MINDY4B: variants seen among roughly 807,000 people sequenced by gnomAD.
MINDY4B encodes the protein inactive ubiquitin carboxyl-terminal hydrolase MINDY-4B.
A neutral mutation model predicts 16.7 loss-of-function variants in MINDY4B; 25 were observed. The ratio of observed to expected loss-of-function variants is 1.49; its 90% CI spans 1.09 to 2.09. The LOEUF (loss-of-function observed/expected upper bound fraction) is 2.09, where lower values mean the gene tolerates loss of function less well. Ranked by LOEUF, MINDY4B falls within the 30% of genes most tolerant of loss-of-function variation. The pLI is 0.00. For missense variants in MINDY4B, 327 were observed against 168.4 expected, an observed-to-expected ratio of 1.94 and a Z score of -5.21; for synonymous variants, 132 against 61.9, an observed-to-expected ratio of 2.13 and a Z score of -5.32.
intron 3 of MINDY4B, among the ~76,000 whole-genome samples, chr3:150,897,933 T>C (rs1712019968): frequency 6.6e-6 from 1 of 152,174 alleles, no homozygotes; most frequent in Non-Finnish European, 1.5e-5. Context: ...TTCCCTGACA[T>C]TGAGATTGCA....
chr3:150,890,692 ATT>A, intron 6 of MINDY4B: 1 of 507,686 alleles, frequency 2.0e-6, no homozygotes, highest in Non-Finnish European at 3.5e-6. Context: ...TGGAAATATC[ATT>A]TATGATTATT....
At chr3:150,894,587 A>T (rs771046446) in intron 3 of MINDY4B, among the ~76,000 whole-genome samples, 1 of 152,174 alleles carries the variant, frequency 6.6e-6, no homozygotes, top group Non-Finnish European at 1.5e-5. Flanking sequence ...CATGACTTGT[A>T]ACCCCTGCCT....
chr3:150,884,196 C>G (rs377648593), intron 8 of MINDY4B, among the ~76,000 whole-genome samples: 1 of 152,188 alleles, frequency 6.6e-6, no homozygotes, highest in African/African-American at 2.4e-5. Context: ...CTTGGCTGAG[C>G]CCGTTTCTTG....
intron 3 of MINDY4B, among the ~76,000 whole-genome samples, chr3:150,896,060 A>G (rs1287224312): frequency 6.6e-6 from 1 of 151,912 alleles, no homozygotes; most frequent in Admixed American, 6.5e-5. Context: ...GGCTTTGTTC[A>G]TATTTTCGGA....
chr3:150,882,060 C>T (rs1481223428), intron 10 of MINDY4B, among the ~76,000 whole-genome samples: 2 of 152,124 alleles, frequency 1.3e-5, no homozygotes, highest in African/African-American at 4.8e-5. Context: ...GGTTGGGAGG[C>T]TTGTGGGGGT....
chr3:150,886,251 C>T (rs1004665099), intron 7 of MINDY4B, among the ~76,000 whole-genome samples: 3 of 152,172 alleles, frequency 2.0e-5, no homozygotes, highest in African/African-American at 7.2e-5. Context: ...CCCTGGCTGG[C>T]TTTCTAGGTG....
intron 10 of MINDY4B, among the ~76,000 whole-genome samples, chr3:150,878,531 A>G (rs1711500401): frequency 6.6e-6 from 1 of 152,258 alleles, no homozygotes; most frequent in African/African-American, 2.4e-5. Context: ...CACTGAGGGC[A>G]GAATTCATAG....
chr3:150,902,293 C>G (rs989630598), intron 3 of MINDY4B, among the ~76,000 whole-genome samples: 1 of 152,174 alleles, frequency 6.6e-6, no homozygotes, highest in African/African-American at 2.4e-5. Context: ...GGAAGAAGGT[C>G]CCTCTTCCAA....
rs558245110 is a variant in MINDY4B, at chr3:150,871,561, A to G, written c.1241-374T>C. 2.6e-5 allele frequency among the ~76,000 whole-genome samples: 4 copies of G among 152,126 alleles called. No individual in the cohort carries two copies. In the South Asian group the frequency reaches 8.3e-4, roughly 32 times the overall value. Reference sequence around the variant, plus strand: ...ACTAAATATTGTCAGGAAAAAAAAAAAAAGAGGCCAGGCATGGTGGCTCAC... The same window carrying G: ...ACTAAATATTGTCAGGAAAAAAAAAGAAAGAGGCCAGGCATGGTGGCTCAC... On this transcript the variant is annotated intron_variant, in intron 11 of 11. Transcript: ENST00000465419.
chr3:150,870,966 G>A lies in MINDY4B; in HGVS notation c.*79C>T, dbSNP rs911342633. 2.4e-5 allele frequency: 15 copies of A among 624,900 alleles called. No homozygotes were observed. The highest frequency in any genetic ancestry group is 3.3e-4 in the Middle Eastern group (1 of 3,074). 38.7% of individuals were successfully genotyped at this position (624,900 alleles called of 1,614,324 possible). A position where few individuals can be genotyped will look rare whatever the true frequency, so the allele number is the denominator to read the frequency against. ...GCTTGTGAATGAGAAATATGGAAAC[G>A]ATTGGTCTCCCCCACATTAGGCTTT... On this transcript the variant is annotated 3_prime_UTR_variant, in exon 12 of 12. Coordinates refer to ENST00000465419, the MANE Select transcript of MINDY4B (RefSeq NM_001351281.2).
chr3:150,890,425 T>C (rs965339597), intron 6 of MINDY4B, 40 bp from the exon 7 acceptor site: 23 of 584,454 alleles, frequency 3.9e-5, no homozygotes, highest in Non-Finnish European at 5.7e-5. Flanking sequence ...AAAAGGAAGA[T>C]GAAAGTTACA....
rs543798722 is a variant in MINDY4B, at chr3:150,891,015, C to G, written c.610G>C (p.Ala204Pro). The G allele has an allele frequency of 1.4e-6, 1 of 702,856 alleles. No homozygotes were observed. Among genetic ancestry groups the G allele is most frequent in the African/African-American group, 1.7e-5 (1 of 57,374 alleles). 43.5% of individuals were successfully genotyped at this position (702,856 alleles called of 1,614,324 possible). The change falls in exon 6 of 12, where the codon GCC becomes CCC. Residue 204 changes from alanine to proline, a missense_variant. By Grantham distance (27) the Ala-to-Pro change is conservative (BLOSUM62 -1). Coordinates refer to ENST00000465419, the MANE Select transcript of MINDY4B (RefSeq NM_001351281.2). ...TCCTCAGTGACAAGACAGATGGTGG[C>G]CTTCTGAGCTGCTCCTGCAGCCCAC... ...ILWAAGAAQK[A>P]TICLVTEDIY...
At position 150,870,981 on chromosome 3, in the gene MINDY4B, C is replaced by T. The variant is rs1716952323; in HGVS notation, c.*64G>A. 2 of 665,028 alleles carry T rather than the reference C, an allele frequency of 3.0e-6. No homozygotes were observed. The highest frequency in any genetic ancestry group is 5.4e-6 in the Non-Finnish European group (2 of 367,794). 41.2% of individuals were successfully genotyped at this position (665,028 alleles called of 1,614,324 possible). On this transcript the variant is annotated 3_prime_UTR_variant, in exon 12 of 12. Coordinates refer to ENST00000465419, the MANE Select transcript of MINDY4B (RefSeq NM_001351281.2). ...ATATGGAAACGATTGGTCTCCCCCACATTAGGCTTTTGCATCCCAGCAGTT... is the reference window on the plus strand; with the variant it reads ...ATATGGAAACGATTGGTCTCCCCCATATTAGGCTTTTGCATCCCAGCAGTT...
At chr3:150,884,507 T>A (rs976648464) in intron 8 of MINDY4B, among the ~76,000 whole-genome samples, 3 of 152,226 alleles carry the variant, frequency 2.0e-5, no homozygotes, top group Admixed American at 2.0e-4. Context: ...ATTTTAATAA[T>A]GTTGTATTTA....
chr3:150,873,132 C>A, intron 11 of MINDY4B, 55 bp downstream of exon 11: 1 of 652,064 alleles, frequency 1.5e-6, no homozygotes, highest in Non-Finnish European at 2.8e-6. Context: ...ACATTGGCAA[C>A]CGCATCTCTT....
chr3:150,876,670 C>T (rs1043579211), intron 10 of MINDY4B, among the ~76,000 whole-genome samples: 2 of 152,182 alleles, frequency 1.3e-5, no homozygotes, highest in Non-Finnish European at 2.9e-5. Flanking sequence ...CTATCAGACT[C>T]TCTAAAGGGA....
In MINDY4B at chr3:150,871,647, G is replaced by A. The variant is rs150623583; in HGVS notation, c.1241-460C>T. The stretch of plus-strand genomic sequence containing the variant: ...GTGGATCATCTGAGGTCGGGAGTTC[G>A]AGACCAGCCTGGCCAGCATGGTGAA... On this transcript the variant is annotated intron_variant, in intron 11 of 11. Transcript: ENST00000465419. 2.6e-3 allele frequency among the ~76,000 whole-genome samples: 401 copies of A among 152,140 alleles called. 4 individuals are homozygous for A. The highest frequency in any genetic ancestry group is 8.9e-3 in the African/African-American group (370 of 41,502).
chr3:150,881,614 TA>T (rs34567737), intron 10 of MINDY4B, among the ~76,000 whole-genome samples: 108 of 121,444 alleles, frequency 8.9e-4, no homozygotes, highest in Admixed American at 1.7e-3. Context: ...TGTCTCTGTT[TA>T]AAAAAAAAAA....
chr3:150,900,877 G>T (rs901024295), intron 3 of MINDY4B, among the ~76,000 whole-genome samples: 2 of 152,170 alleles, frequency 1.3e-5, no homozygotes, highest in African/African-American at 2.4e-5. Flanking sequence ...AAATGTCTGT[G>T]AATGCTTTTT....
Sources: allele counts gnomAD v4.1 joint callset (sites outside exome capture counted in the v4.1 genomes callset), GRCh38; gene constraint gnomAD v4.1.1; transcripts MANE v1.5; gene names NCBI Gene and HGNC (gene_info 2026-07-23, HGNC 2026-07-21).